PPP1R16B: variants seen among roughly 807,000 people sequenced by gnomAD.
PPP1R16B encodes the protein protein phosphatase 1 regulatory subunit 16B.
In PPP1R16B, 14 loss-of-function variants were observed where a neutral mutation model predicts 61.7. That is an observed-to-expected ratio of 0.23 (90% confidence interval 0.15 to 0.35). The LOEUF is 0.35. Among genes scored for constraint, PPP1R16B ranks in the 10% least tolerant of loss-of-function variants. The probability of loss-of-function intolerance (pLI) is 1.00; values close to 1 mark genes in which losing one functional copy is unlikely to be tolerated. For missense variants in PPP1R16B, 547 were observed against 752.5 expected (o/e 0.73, Z 3.19); for synonymous variants, 266 against 305.3 (o/e 0.87, Z 1.34).
At chr20:38,870,799 G>A (rs117554107) in intron 2 of PPP1R16B, among the ~76,000 whole-genome samples, 3,482 of 152,302 alleles carry the variant, frequency 0.023, 52 homozygotes, top group Non-Finnish European at 0.032. Flanking sequence ...GAGGCAGCTC[G>A]GCTGGGATAT....
At position 38,921,789 on chromosome 20, in the gene PPP1R16B, C is replaced by T. The variant is rs780245931; in HGVS notation, c.*3123C>T. ...TCATTGTTTCTTGCTCATGGTGGCT[C>T]ATTTATTACATAGTCCCCTCACCCC... On this transcript the variant is annotated 3_prime_UTR_variant, in exon 11 of 11. Transcript: ENST00000299824. The T allele has an allele frequency of 2.0e-5, 3 of 152,240 alleles. No individual in the cohort carries two copies. Among genetic ancestry groups the T allele is most frequent in the Non-Finnish European group, 4.4e-5 (3 of 68,048 alleles). The allele number at this position is 152,240 out of a possible 1,614,324, so 9.4% of individuals were successfully genotyped here.
At chr20:38,879,764 T>C (rs1485397541) in intron 2 of PPP1R16B, among the ~76,000 whole-genome samples, 1 of 152,180 alleles carries the variant, frequency 6.6e-6, no homozygotes, top group African/African-American at 2.4e-5. Flanking sequence ...TGAATCTCTG[T>C]CAACCCCTTC....
rs1391710407 is a variant in PPP1R16B, at chr20:38,918,738, C to T, written c.*72C>T. On this transcript the variant is annotated 3_prime_UTR_variant, in exon 11 of 11. Coordinates refer to ENST00000299824, the MANE Select transcript of PPP1R16B (RefSeq NM_015568.4). This position sits in a 1 kb window ranked among gnomAD's most constrained non-coding sequence, Gnocchi z 5.3. ...ATCCAGGCCAGCCCAACAGCCCTGG[C>T]TGGGGAGGTGTCAGGGCAGCTGGGG... 2.1e-6 allele frequency: 3 copies of T among 1,441,032 alleles called. No homozygotes were observed. Among genetic ancestry groups the T allele is most frequent in the Non-Finnish European group, 1.8e-6 (2 of 1,094,190 alleles). The allele number at this position is 1,441,032 out of a possible 1,614,324, so 89.3% of individuals were successfully genotyped here.
chr20:38,861,676 T>C (rs977194215), intron 2 of PPP1R16B, among the ~76,000 whole-genome samples: 21 of 141,412 alleles, frequency 1.5e-4, no homozygotes, highest in East Asian at 3.9e-4. Context: ...AGTTCTTCTT[T>C]TTTTTTTTTT....
chr20:38,865,287 TTTTTTTTC>T (rs200074762), intron 2 of PPP1R16B, among the ~76,000 whole-genome samples: 1,266 of 67,164 alleles, frequency 0.019, 26 homozygotes, highest in African/African-American at 0.083. Flanking sequence ...GCTGCATTCT[TTTTTTTTC>T]TTTTTTTTTT....
chr20:38,918,037 C>A lies in PPP1R16B; in HGVS notation c.1195-120C>A. On this transcript the variant is annotated intron_variant, in intron 10 of 10. Coordinates refer to ENST00000299824, the MANE Select transcript of PPP1R16B (RefSeq NM_015568.4). This position sits in a 1 kb window ranked among gnomAD's most constrained non-coding sequence, Gnocchi z 5.3. ...CCAAAGGAAAACCCTGGCCCCGATACCCAGGGAGAGAAAACAGATAGAGGA... is the reference window on the plus strand; with the variant it reads ...CCAAAGGAAAACCCTGGCCCCGATAACCAGGGAGAGAAAACAGATAGAGGA... 1 of 1,350,216 alleles carries A rather than the reference C, an allele frequency of 7.4e-7. No homozygotes were observed. The highest frequency in any genetic ancestry group is 1.0e-6 in the Non-Finnish European group (1 of 983,352). 83.6% of individuals were successfully genotyped at this position (1,350,216 alleles called of 1,614,324 possible).
chr20:38,879,168 T>C (rs1434107338), intron 2 of PPP1R16B, among the ~76,000 whole-genome samples: 2 of 152,076 alleles, frequency 1.3e-5, no homozygotes, highest in Non-Finnish European at 2.9e-5. Flanking sequence ...TATTTATGAA[T>C]AGAATGAGGA....
At chr20:38,910,679 A>T (rs1268606630) in intron 10 of PPP1R16B, among the ~76,000 whole-genome samples, 1 of 150,788 alleles carries the variant, frequency 6.6e-6, no homozygotes. Flanking sequence ...GACTATAGGC[A>T]TGCACCACCA....
At chr20:38,844,721 T>C (rs879388065) in intron 2 of PPP1R16B, among the ~76,000 whole-genome samples, 1 of 152,226 alleles carries the variant, frequency 6.6e-6, no homozygotes, top group Non-Finnish European at 1.5e-5. Flanking sequence ...TGATTGCTAG[T>C]ACAGCTTGGT....
At position 38,806,863 on chromosome 20, in the gene PPP1R16B, C is replaced by G. The variant is rs1269247367; in HGVS notation, c.-102+1071C>G. 6.6e-6 allele frequency among the ~76,000 whole-genome samples: 1 copy of G among 152,184 alleles called. No homozygotes were observed. The highest frequency in any genetic ancestry group is 1.5e-5 in the Non-Finnish European group (1 of 68,020). ...GCTGCCGCGCGCCAGGCCTGGGTCC[C>G]GGTGCTCCCGGGCACCTCAGGAGCG... On this transcript the variant is annotated intron_variant, in intron 1 of 10. Coordinates refer to ENST00000299824, the MANE Select transcript of PPP1R16B (RefSeq NM_015568.4). This position sits in a 1 kb window ranked among gnomAD's most constrained non-coding sequence, Gnocchi z 4.5.
chr20:38,877,351 C>G (rs2085174613), intron 2 of PPP1R16B, among the ~76,000 whole-genome samples: 1 of 151,660 alleles, frequency 6.6e-6, no homozygotes, highest in South Asian at 2.1e-4. Context: ...CTCTTGTTGC[C>G]CACGCTGGAG....
chr20:38,918,825 A>ATCCCATG lies in PPP1R16B; in HGVS notation c.*165_*171dup. The ATCCCATG allele has an allele frequency of 1.1e-6, 1 of 876,002 alleles. No individual in the cohort carries two copies. Among genetic ancestry groups the ATCCCATG allele is most frequent in the Non-Finnish European group, 1.6e-6 (1 of 634,386 alleles). The allele number at this position is 876,002 out of a possible 1,614,324, so 54.3% of individuals were successfully genotyped here. Reference sequence around the variant, plus strand: ...CAGCCCTCAGCTGGCTGCCCATAGCATCCCATGTCCCACGTCCCGTGGTTC... The same window carrying ATCCCATG: ...CAGCCCTCAGCTGGCTGCCCATAGCATCCCATGTCCCATGTCCCACGTCCCGTGGTTC... On this transcript the variant is annotated 3_prime_UTR_variant, in exon 11 of 11. Transcript: ENST00000299824. The surrounding 1 kb of genome is among the most constrained non-coding windows in gnomAD (Gnocchi z 5.3).
intron 1 of PPP1R16B, 71 bp from the exon 2 acceptor site, chr20:38,835,754 T>C (rs2084865027): frequency 3.8e-6 from 3 of 785,192 alleles, no homozygotes; most frequent in Non-Finnish European, 3.9e-6. Flanking sequence ...ACACGGGGCG[T>C]TGGGGGACGA....
At chr20:38,901,746 G>C (rs2085395665) in intron 5 of PPP1R16B, among the ~76,000 whole-genome samples, 1 of 152,158 alleles carries the variant, frequency 6.6e-6, no homozygotes, top group South Asian at 2.1e-4. Flanking sequence ...AAAAGTATAG[G>C]ATTATAAAGG....
rs777879827 is a variant in PPP1R16B, at chr20:38,835,889, C to A, written c.-37C>A. On this transcript the variant is annotated 5_prime_UTR_variant, in exon 2 of 11. It introduces an in-frame stop codon into an upstream open reading frame of the 5' UTR. Transcript: ENST00000299824. Reference sequence around the variant, plus strand: ...CTGCCCTGGCCCCCGGTGCACCGTGCTAGCCCCCAGCCAGGGCGTTGGGGA... The same window carrying A: ...CTGCCCTGGCCCCCGGTGCACCGTGATAGCCCCCAGCCAGGGCGTTGGGGA... 8.6e-6 allele frequency: 13 copies of A among 1,509,888 alleles called. No individual in the cohort carries two copies. Among genetic ancestry groups the A allele is most frequent in the Non-Finnish European group, 8.8e-7 (1 of 1,132,190 alleles). 93.5% of individuals were successfully genotyped at this position (1,509,888 alleles called of 1,614,324 possible). A position where few individuals can be genotyped will look rare whatever the true frequency, so the allele number is the denominator to read the frequency against.
At chr20:38,889,410 A>G (rs1372791873) in intron 2 of PPP1R16B, among the ~76,000 whole-genome samples, 185 bp from the exon 3 acceptor site, 1 of 152,236 alleles carries the variant, frequency 6.6e-6, no homozygotes, top group Non-Finnish European at 1.5e-5. Context: ...ATTGTTATCC[A>G]TAATAAGATA....
At chr20:38,884,975 G>A (rs2085232176) in intron 2 of PPP1R16B, among the ~76,000 whole-genome samples, 2 of 142,592 alleles carry the variant, frequency 1.4e-5, no homozygotes, top group Admixed American at 7.4e-5. Context: ...GGAGGCTGAG[G>A]CAGAAGAGCC....
At chr20:38,917,459 T>G (rs1401116446) in intron 10 of PPP1R16B, among the ~76,000 whole-genome samples, 1 of 152,224 alleles carries the variant, frequency 6.6e-6, no homozygotes, top group Admixed American at 6.5e-5. Flanking sequence ...TTGTTGCATG[T>G]ATCTATTTTT....
rs1431642193 is a variant in PPP1R16B, at chr20:38,919,683, G to C, written c.*1017G>C. ...ATTGGAATGCTTTTCCAGGGAGAGA[G>C]GCCAGTTAATTTAAAAAAAACAGTC... On this transcript the variant is annotated 3_prime_UTR_variant, in exon 11 of 11. Coordinates refer to ENST00000299824, the MANE Select transcript of PPP1R16B (RefSeq NM_015568.4). The C allele has an allele frequency of 6.6e-6, 1 of 152,068 alleles. No homozygotes were observed. Among genetic ancestry groups the C allele is most frequent in the Non-Finnish European group, 1.5e-5 (1 of 68,030 alleles). 9.4% of individuals were successfully genotyped at this position (152,068 alleles called of 1,614,324 possible). A position where few individuals can be genotyped will look rare whatever the true frequency, so the allele number is the denominator to read the frequency against.
Sources: allele counts gnomAD v4.1 joint callset (sites outside exome capture counted in the v4.1 genomes callset), GRCh38; gene constraint gnomAD v4.1.1; non-coding constraint Gnocchi (gnomAD v3.1); transcripts MANE v1.5; gene names NCBI Gene and HGNC (gene_info 2026-07-23, HGNC 2026-07-21).